The following ATG7 variants were observed in gnomAD, a reference collection of about 807,000 sequenced individuals.
ATG7 encodes the protein ubiquitin-like modifier-activating enzyme ATG7.
In ATG7, 70 loss-of-function variants were observed where a neutral mutation model predicts 82.4. That is an observed-to-expected ratio of 0.85 (90% confidence interval 0.70 to 1.04). ATG7 has a LOEUF of 1.04. ATG7 is among the 50% of genes least tolerant of loss of function. The probability of loss-of-function intolerance (pLI) is 0.00; values close to 1 mark genes in which losing one functional copy is unlikely to be tolerated. For synonymous variants in ATG7, 287 were observed against 313.0 expected, an observed-to-expected ratio of 0.92 and a Z score of 0.88; for missense variants, 792 against 864.3, an observed-to-expected ratio of 0.92 and a Z score of 1.05.
chr3:11,445,124 C>T (rs187027634), intron 20 of ATG7, among the ~76,000 whole-genome samples: 123 of 152,310 alleles, frequency 8.1e-4, no homozygotes, highest in African/African-American at 2.6e-3. Context: ...TTAGTTAAAT[C>T]GTTGTAGAAA....
At chr3:11,385,751 G>A (rs1406300190) in intron 19 of ATG7, among the ~76,000 whole-genome samples, 1 of 152,182 alleles carries the variant, frequency 6.6e-6, no homozygotes, top group African/African-American at 2.4e-5. Flanking sequence ...CTAGGGGAGA[G>A]AACACAAGGA....
rs956083920 is a variant in ATG7, at chr3:11,522,889, A to G, written c.2080-31922A>G. The stretch of plus-strand genomic sequence containing the variant: ...GTAGATAGCTCTGGATCTAGAACAA[A>G]CGTATCTGAGGTCAGGTCCCAGCCC... On this transcript the variant is annotated intron_variant, in intron 20 of 20. Transcript: ENST00000693202. Among the ~76,000 whole-genome samples the G allele has an allele frequency of 6.6e-5, 10 of 152,166 alleles. 1 individual carries two copies. In the South Asian group the frequency reaches 1.9e-3, roughly 28 times the overall value.
the ATG7 span, among the ~76,000 whole-genome samples, chr3:11,570,220 G>T: frequency 2.6e-5 from 4 of 151,944 alleles, no homozygotes; most frequent in Non-Finnish European, 5.9e-5. Context: ...GCCGCTCAGG[G>T]TCGTCACACC....
At chr3:11,569,647 C>T in the ATG7 span, among the ~76,000 whole-genome samples, 3 of 152,356 alleles carry the variant, frequency 2.0e-5, no homozygotes, top group East Asian at 1.9e-4. Flanking sequence ...TCTCTCCCAC[C>T]GCAGCAGTTA....
At chr3:11,408,488 C>G (rs947027632) in intron 19 of ATG7, among the ~76,000 whole-genome samples, 2 of 152,208 alleles carry the variant, frequency 1.3e-5, no homozygotes, top group Non-Finnish European at 2.9e-5. Flanking sequence ...ACACCCCATT[C>G]CTGGTACCAG....
chr3:11,522,252 T>A (rs567632448), intron 20 of ATG7, among the ~76,000 whole-genome samples: 5 of 152,178 alleles, frequency 3.3e-5, no homozygotes, highest in African/African-American at 1.2e-4. Context: ...GTGGAAGAGG[T>A]AAGTCACCAC....
intron 19 of ATG7, among the ~76,000 whole-genome samples, chr3:11,404,798 C>T (rs2080176657): frequency 6.6e-6 from 1 of 151,986 alleles, no homozygotes; most frequent in African/African-American, 2.4e-5. Flanking sequence ...TGGAGGGGAA[C>T]TCCCTTTATA....
intron 8 of ATG7, 39 bp from the exon 9 acceptor site, chr3:11,315,305 T>C (rs1949245441): frequency 6.8e-7 from 1 of 1,479,436 alleles, no homozygotes; most frequent in Non-Finnish European, 9.0e-7. Context: ...ACTAGAAATG[T>C]AATTTTCTAG....
intron 19 of ATG7, among the ~76,000 whole-genome samples, chr3:11,425,565 T>G (rs1042099507): frequency 3.9e-5 from 6 of 152,250 alleles, no homozygotes; most frequent in Admixed American, 2.0e-4. Context: ...TCACAGTCCC[T>G]GTGATCACTG....
In ATG7 at chr3:11,298,650, T is replaced by C. The variant is rs775004404; in HGVS notation, c.-10-36T>C. On this transcript the variant is annotated intron_variant, in intron 3 of 20. Coordinates refer to ENST00000693202, the MANE Select transcript of ATG7 (RefSeq NM_001349232.2). Reference sequence around the variant, plus strand: ...TTTCTCACCAGGTTTTGCATGGATATGTTATTTTGCTGTGTTCTGTTTTGT... The same window carrying C: ...TTTCTCACCAGGTTTTGCATGGATACGTTATTTTGCTGTGTTCTGTTTTGT... 3.2e-6 allele frequency: 5 copies of C among 1,583,988 alleles called. No individual in the cohort carries two copies. In the South Asian group the frequency reaches 5.7e-5, roughly 18 times the overall value.
At chr3:11,396,793 A>AAAAAAAAAAG (rs1553642273) in intron 19 of ATG7, among the ~76,000 whole-genome samples, 2 of 143,740 alleles carry the variant, frequency 1.4e-5, no homozygotes, top group Non-Finnish European at 3.0e-5. Flanking sequence ...AAAAAAAAAA[A>AAAAAAAAAAG]AAAAGAAAAG....
intron 19 of ATG7, among the ~76,000 whole-genome samples, chr3:11,390,411 GT>G (rs918451464): frequency 4.6e-5 from 7 of 152,198 alleles, no homozygotes; most frequent in African/African-American, 1.7e-4. Flanking sequence ...TCACTCACTA[GT>G]TGCTATTTTT....
intron 20 of ATG7, among the ~76,000 whole-genome samples, chr3:11,514,948 C>A (rs2092219147): frequency 1.3e-5 from 2 of 149,580 alleles, no homozygotes; most frequent in Admixed American, 6.7e-5. Context: ...TCAAGTGATT[C>A]TCCTGCCTCA....
chr3:11,379,736 T>C (rs1362084078), intron 18 of ATG7, among the ~76,000 whole-genome samples: 1 of 152,240 alleles, frequency 6.6e-6, no homozygotes, highest in African/African-American at 2.4e-5. Flanking sequence ...AGGTCAGAAA[T>C]ATTTGAAAAG....
At chr3:11,313,195 T>G in intron 7 of ATG7, 109 bp from the exon 8 acceptor site, 2 of 615,474 alleles carry the variant, frequency 3.2e-6, no homozygotes, top group Non-Finnish European at 5.4e-6. Flanking sequence ...CAGACTTTGT[T>G]TGCATAGCTT....
At chr3:11,512,679 A>G (rs971192808) in intron 20 of ATG7, among the ~76,000 whole-genome samples, 9 of 152,188 alleles carry the variant, frequency 5.9e-5, no homozygotes, top group African/African-American at 4.8e-5. Flanking sequence ...TGAGTGTTAC[A>G]GCTCATAAAA....
chr3:11,502,722 G>A (rs187220712), intron 20 of ATG7, among the ~76,000 whole-genome samples: 188 of 152,236 alleles, frequency 1.2e-3, no homozygotes, highest in African/African-American at 4.5e-3. Context: ...GAGAAAGCCA[G>A]TATTTCCCAT....
At chr3:11,571,389 C>CTCTCCA in the ATG7 span, among the ~76,000 whole-genome samples, 1 of 152,184 alleles carries the variant, frequency 6.6e-6, no homozygotes, top group African/African-American at 2.4e-5. Context: ...CCCCCATTAA[C>CTCTCCA]TCTCCATAAA....
At chr3:11,298,522 A>G (rs926957691) in intron 3 of ATG7, among the ~76,000 whole-genome samples, 164 bp from the exon 4 acceptor site, 9 of 152,216 alleles carry the variant, frequency 5.9e-5, no homozygotes, top group Non-Finnish European at 1.2e-4. Flanking sequence ...AGTATATGTT[A>G]TGTGTTTCTT....
Sources: allele counts gnomAD v4.1 joint callset (sites outside exome capture counted in the v4.1 genomes callset), GRCh38; gene constraint gnomAD v4.1.1; transcripts MANE v1.5; gene names NCBI Gene and HGNC (gene_info 2026-07-23, HGNC 2026-07-21).